PIGS: variants seen among roughly 807,000 people sequenced by gnomAD.
PIGS encodes GPI-anchor transamidase component PIGS.
A neutral mutation model predicts 58.2 loss-of-function variants in PIGS; 37 were observed. That is an observed-to-expected ratio of 0.64 (90% CI 0.49 to 0.84). PIGS has a LOEUF of 0.84. Among genes scored for constraint, PIGS ranks in the 40% least tolerant of loss-of-function variants. PIGS has a pLI of 0.00. For synonymous variants in PIGS, 269 were observed against 289.2 expected (o/e 0.93, Z 0.71); for missense variants, 629 against 710.8 (o/e 0.88, Z 1.31).
rs369409035 is a variant in PIGS, at chr17:28,556,912, G to A, written c.995C>T (p.Ala332Val). The A allele has an allele frequency of 1.9e-5, 31 of 1,614,072 alleles. No individual in the cohort carries two copies. The highest frequency in any genetic ancestry group is 4.0e-5 in the African/African-American group (3 of 74,928). ...LNFLLYVPELAHSPLYIQDKD... is the reference protein window; with the variant it reads ...LNFLLYVPELVHSPLYIQDKD... ...GTCCTGAATGTACAGCGGTGAGTGT[G>A]CAAGCTCAGGCACGTAGAGTAGAAA... The change falls in exon 9 of 12, where the codon GCA becomes GTA. Residue 332 changes from alanine (A) to valine (V), a missense_variant. Ala to Val is a moderately conservative substitution (Grantham distance 64). Transcript: ENST00000308360.
intron 3 of PIGS, among the ~76,000 whole-genome samples, 185 bp from the exon 4 acceptor site, chr17:28,564,092 GC>G (rs1403537396): frequency 1.3e-5 from 2 of 152,112 alleles, no homozygotes; most frequent in Non-Finnish European, 2.9e-5. Context: ...CACCCATTTC[GC>G]CCATCTGCCG....
chr17:28,561,658 C>A, intron 5 of PIGS, 29 bp from the exon 6 acceptor site: 1 of 1,586,960 alleles, frequency 6.3e-7, no homozygotes, highest in East Asian at 2.3e-5. Flanking sequence ...GACAGAATGC[C>A]CATGGCTCAG....
chr17:28,563,939 G>A (rs1375447222), intron 3 of PIGS, 32 bp from the exon 4 acceptor site: 4 of 1,579,804 alleles, frequency 2.5e-6, no homozygotes, highest in Non-Finnish European at 3.5e-6. Flanking sequence ...ACAATGAAAA[G>A]GGCAAGCATC....
rs1232247922 is a variant in PIGS, at chr17:28,561,830, T to A, written c.469-201A>T. 1.1e-4 allele frequency: 64 copies of A among 562,970 alleles called. No homozygotes were observed. In the Admixed American group the frequency reaches 2.2e-3, roughly 20 times the overall value. 34.9% of individuals were successfully genotyped at this position (562,970 alleles called of 1,614,324 possible). A position where few individuals can be genotyped will look rare whatever the true frequency, so the allele number is the denominator to read the frequency against. ...TTTTCATTTGTCTCCGTTCTCTTCT[T>A]TTTCCCAGTTGACATGGGTCCAGGC... is the stretch of plus-strand genomic sequence containing the variant. On this transcript the variant is annotated intron_variant, in intron 5 of 11. Transcript: ENST00000308360.
chr17:28,556,364 C>A, intron 9 of PIGS, 98 bp from the exon 10 acceptor site: 1 of 933,068 alleles, frequency 1.1e-6, no homozygotes, highest in South Asian at 1.3e-5. Flanking sequence ...ATTCTGTGCT[C>A]TTTAGAAGCT....
At chr17:28,570,456 A>G (rs894021078) in intron 3 of PIGS, among the ~76,000 whole-genome samples, 1 of 152,250 alleles carries the variant, frequency 6.6e-6, no homozygotes, top group South Asian at 2.1e-4. Flanking sequence ...GGTTGCAGTG[A>G]GCCAAGATGG....
Position 28,554,467 on chromosome 17 carries a change from T to G in PIGS, c.1421A>C (p.Lys474Thr). The change falls in exon 12 of 12, where the codon AAG becomes ACG. Residue 474 changes from lysine to threonine, a missense_variant. Transcript: ENST00000308360. Reference protein sequence around the residue: ...EVYKAVAAVQKSAEELASGHL... With the variant: ...EVYKAVAAVQTSAEELASGHL... ...CCCAGACGCCAACTCTTCTGCCGACTTCTGGACGGCAGCTACAGCCTTGTA... is the reference window on the plus strand; with the variant it reads ...CCCAGACGCCAACTCTTCTGCCGACGTCTGGACGGCAGCTACAGCCTTGTA... The G allele has an allele frequency of 6.2e-7, 1 of 1,614,132 alleles. No homozygotes were observed.
chr17:28,561,819 C>T (rs926704522), intron 5 of PIGS, 190 bp from the exon 6 acceptor site: 14 of 581,880 alleles, frequency 2.4e-5, no homozygotes, highest in African/African-American at 1.7e-4. Context: ...CATTTGTCTC[C>T]GTTCTCTTCT....
At chr17:28,568,405 G>A (rs1489570017) in intron 3 of PIGS, among the ~76,000 whole-genome samples, 1 of 151,942 alleles carries the variant, frequency 6.6e-6, no homozygotes, top group Non-Finnish European at 1.5e-5. Flanking sequence ...ATCCAGCTTT[G>A]TCTTTTTTAT....
chr17:28,571,316 A>C (rs2070427926), intron 1 of PIGS, 128 bp from the exon 2 acceptor site: 1 of 1,512,278 alleles, frequency 6.6e-7, no homozygotes, highest in African/African-American at 1.4e-5. Context: ...GTGCGAAGGG[A>C]CCCGGCCCAA....
At chr17:28,555,484 G>A (rs138615022) in intron 10 of PIGS, 40 of 191,976 alleles carry the variant, frequency 2.1e-4, no homozygotes, top group East Asian at 3.3e-4. Context: ...GCCTGCATCC[G>A]TGAGAGACAC....
At position 28,570,882 on chromosome 17, in the gene PIGS, C is replaced by A; in HGVS notation, c.256G>T (p.Val86Phe). ...LDDQEKLPFT[V>F]VHEREIPLKY... ...AGAGGAATCTCTCTTTCATGCACAA[C>A]GGTGAAGGGCAGCTTCTCCTGGTCG... The change falls in exon 3 of 12, where the codon GTT (valine) becomes TTT (phenylalanine). Residue 86 changes from valine (V) to phenylalanine (F), a missense_variant. Coordinates refer to ENST00000308360, the MANE Select transcript of PIGS (RefSeq NM_033198.4). 6.2e-7 allele frequency: 1 copy of A among 1,614,232 alleles called. No homozygotes were observed. The highest frequency in any genetic ancestry group is 8.5e-7 in the Non-Finnish European group (1 of 1,180,038).
chr17:28,565,452 T>C (rs963884845), intron 3 of PIGS, among the ~76,000 whole-genome samples: 3 of 152,206 alleles, frequency 2.0e-5, no homozygotes, highest in African/African-American at 7.2e-5. Context: ...TATATACATG[T>C]AAGGCAATCC....
At chr17:28,556,658 C>A in intron 9 of PIGS, 169 bp downstream of exon 9, 1 of 860,632 alleles carries the variant, frequency 1.2e-6, no homozygotes, top group Non-Finnish European at 1.8e-6. Context: ...AAAGTGGGGC[C>A]GGCAGAAGAG....
In PIGS at chr17:28,571,465, A is replaced by G. The variant is rs1020571050; in HGVS notation, c.32T>C (p.Leu11Pro). 1.2e-6 allele frequency: 2 copies of G among 1,609,998 alleles called. No homozygotes were observed. Among genetic ancestry groups the G allele is most frequent in the African/African-American group, 2.7e-5 (2 of 74,822 alleles). The change falls in exon 1 of 12, where the codon CTA (leucine) becomes CCA (proline). Residue 11 changes from leucine (L) to proline (P), a missense_variant and splice_region_variant. Transcript: ENST00000308360. The part of the protein sequence containing the change: MAAAGAAATH[L>P]EVARGKRAAL... Reference sequence around the variant, plus strand: ...CCCCCACCCGAAGCCCACCGCACCTAGGTGTGTAGCCGCAGCCCCGGCGGC... The same window carrying G: ...CCCCCACCCGAAGCCCACCGCACCTGGGTGTGTAGCCGCAGCCCCGGCGGC...
At chr17:28,565,610 C>G (rs1394072946) in intron 3 of PIGS, among the ~76,000 whole-genome samples, 1 of 152,166 alleles carries the variant, frequency 6.6e-6, no homozygotes, top group African/African-American at 2.4e-5. Context: ...ACTAATTTGG[C>G]CAGGTGTGGT....
At chr17:28,564,036 G>A in intron 3 of PIGS, 129 bp from the exon 4 acceptor site, 1 of 726,332 alleles carries the variant, frequency 1.4e-6, no homozygotes, top group South Asian at 1.7e-5. Context: ...CCAAGCAGCT[G>A]CAGCCAACTC....
intron 4 of PIGS, 48 bp from the exon 5 acceptor site, chr17:28,563,570 C>A: frequency 6.5e-7 from 1 of 1,541,166 alleles, no homozygotes; most frequent in Non-Finnish European, 9.0e-7. Context: ...ACCATTCCAT[C>A]TCCCCCCAGC....
At position 28,562,836 on chromosome 17, in the gene PIGS, A is replaced by G. The variant is rs182020218; in HGVS notation, c.468+595T>C. ...AAGCGCTCCCCCTGCCTCAGCCTCCAAAAGTAACAGGGACTACCACATCCA... is the reference window on the plus strand; with the variant it reads ...AAGCGCTCCCCCTGCCTCAGCCTCCGAAAGTAACAGGGACTACCACATCCA... On this transcript the variant is annotated intron_variant, in intron 5 of 11. Coordinates refer to ENST00000308360, the MANE Select transcript of PIGS (RefSeq NM_033198.4). Among the ~76,000 whole-genome samples, 4 of 152,034 alleles carry G rather than the reference A, an allele frequency of 2.6e-5. No individual in the cohort carries two copies. In the East Asian group the frequency reaches 7.8e-4, roughly 30 times the overall value.
Sources: gnomAD v4.1 joint callset for allele counts (sites outside exome capture counted in the v4.1 genomes callset) on GRCh38, gnomAD v4.1.1 for gene constraint, MANE v1.5 for transcripts, NCBI Gene and HGNC (gene_info 2026-07-23, HGNC 2026-07-21) for gene names.